STK31: variants seen among roughly 807,000 people sequenced by gnomAD.
The protein encoded by STK31 is serine/threonine-protein kinase 31.
A neutral mutation model predicts 129.7 loss-of-function variants in STK31; 89 were observed. That is an observed-to-expected ratio of 0.69 (90% CI 0.58 to 0.82). The LOEUF (loss-of-function observed/expected upper bound fraction) is 0.82. Ranked by LOEUF, STK31 falls within the 40% of genes least tolerant of loss-of-function variation. The probability of loss-of-function intolerance (pLI) is 0.00; values close to 1 mark genes in which losing one functional copy is unlikely to be tolerated. For missense variants in STK31, 1,187 were observed against 1,176.4 expected (o/e 1.01, Z -0.13); for synonymous variants, 448 against 395.3 (o/e 1.13, Z -1.58).
At chr7:23,783,926 AG>A (rs1293838040) in intron 17 of STK31, among the ~76,000 whole-genome samples, 4 of 152,162 alleles carry the variant, frequency 2.6e-5, no homozygotes, top group Non-Finnish European at 5.9e-5. Flanking sequence ...TTTGAATTAT[AG>A]GTGTTTACTT....
chr7:23,830,594 G>T (rs1458498364), intron 23 of STK31, among the ~76,000 whole-genome samples: 6 of 105,516 alleles, frequency 5.7e-5, no homozygotes, highest in Non-Finnish European at 8.2e-5. Flanking sequence ...TTTCCATGTT[G>T]TGTGTGTGTG....
At position 23,785,134 on chromosome 7, in the gene STK31, G is replaced by A. The variant is rs992331171; in HGVS notation, c.2149-344G>A. Among the ~76,000 whole-genome samples, 8 of 151,990 alleles carry A rather than the reference G, an allele frequency of 5.3e-5. No individual in the cohort carries two copies. In the South Asian group the frequency reaches 6.2e-4, roughly 12 times the overall value. On this transcript the variant is annotated intron_variant, in intron 17 of 23. Coordinates refer to ENST00000355870, the MANE Select transcript of STK31 (RefSeq NM_031414.5). ...ATGTAGTCCCTCATTCCTCACCCCC[G>A]TCCCAATCAGTTGTTACTTTAGTAT...
chr7:23,738,959 T>C (rs967388837), intron 8 of STK31, among the ~76,000 whole-genome samples: 5 of 152,246 alleles, frequency 3.3e-5, no homozygotes, highest in Non-Finnish European at 2.9e-5. Flanking sequence ...GTCTTTATAG[T>C]AGAATGATTT....
At chr7:23,780,264 C>T (rs972648062) in intron 15 of STK31, among the ~76,000 whole-genome samples, 2 of 152,048 alleles carry the variant, frequency 1.3e-5, no homozygotes, top group East Asian at 1.9e-4. Flanking sequence ...GAGCTGCAGA[C>T]CGGAGCTGTT....
At chr7:23,793,483 A>C (rs117286603) in intron 22 of STK31, among the ~76,000 whole-genome samples, 4,906 of 152,282 alleles carry the variant, frequency 0.032, 138 homozygotes, top group Middle Eastern at 0.051. Context: ...ATATTTGCAA[A>C]ACATATATCT....
At chr7:23,738,962 A>G (rs1489154402) in intron 8 of STK31, among the ~76,000 whole-genome samples, 1 of 152,220 alleles carries the variant, frequency 6.6e-6, no homozygotes, top group Non-Finnish European at 1.5e-5. Context: ...TTTATAGTAG[A>G]ATGATTTATA....
In STK31 at chr7:23,729,059, C is replaced by A; in HGVS notation, c.325-32C>A. ...TCTTTGGAAACATTTAATCTGGGGT[C>A]AGTATTCGTATTTGTCTCTTATTTT... On this transcript the variant is annotated intron_variant, in intron 5 of 23. Coordinates refer to ENST00000355870, the MANE Select transcript of STK31 (RefSeq NM_031414.5). The A allele has an allele frequency of 2.6e-6, 4 of 1,528,962 alleles. No individual in the cohort carries two copies. In the South Asian group the frequency reaches 4.0e-5, roughly 15 times the overall value. The allele number at this position is 1,528,962 out of a possible 1,614,324, so 94.7% of individuals were successfully genotyped here.
Position 23,710,343 on chromosome 7 carries a change from G to C in STK31, c.50+8G>C. On this transcript the variant is annotated splice_region_variant and intron_variant, in intron 1 of 23. Transcript: ENST00000355870. Reference sequence around the variant, plus strand: ...CGCAACGGAAAGTGTGAGGTCAGTAGTAGTTTTTGTGGTACGTGCAGTGGT... The same window carrying C: ...CGCAACGGAAAGTGTGAGGTCAGTACTAGTTTTTGTGGTACGTGCAGTGGT... 6.2e-7 allele frequency: 1 copy of C among 1,613,492 alleles called. No individual in the cohort carries two copies. The highest frequency in any genetic ancestry group is 8.5e-7 in the Non-Finnish European group (1 of 1,179,928).
intron 8 of STK31, 27 bp from the exon 9 acceptor site, chr7:23,752,690 C>A (rs201381856): frequency 3.3e-6 from 5 of 1,534,596 alleles, no homozygotes; most frequent in Non-Finnish European, 4.5e-6. Context: ...TTGGGTCTCA[C>A]GAGAATGTGT....
At chr7:23,730,869 T>C (rs1165691630) in intron 6 of STK31, among the ~76,000 whole-genome samples, 1 of 49,016 alleles carries the variant, frequency 2.0e-5, no homozygotes, top group East Asian at 6.3e-4. Flanking sequence ...TATATATATA[T>C]ATATATATAT....
At chr7:23,769,592 C>T in intron 12 of STK31, 48 bp from the exon 13 acceptor site, 1 of 1,270,622 alleles carries the variant, frequency 7.9e-7, no homozygotes, top group Non-Finnish European at 1.1e-6. Context: ...ACGATGAATG[C>T]TGATTGAATT....
rs1005498348 is a variant in STK31, at chr7:23,791,322, A to T, written c.2760+376A>T. On this transcript the variant is annotated intron_variant, in intron 22 of 23. Transcript: ENST00000355870. ...TTTCTCATCCATAGTTTAAGAATTA[A>T]GAAGTTGGATGGAGCTGGAGACCAT... is the stretch of plus-strand genomic sequence containing the variant. 4 of 985,082 alleles carry T rather than the reference A, an allele frequency of 4.1e-6. No homozygotes were observed. The African/African-American group carries it at 7.0e-5, about 17-fold the overall frequency. 61.0% of individuals were successfully genotyped at this position (985,082 alleles called of 1,614,324 possible).
intron 11 of STK31, among the ~76,000 whole-genome samples, chr7:23,766,435 G>A (rs995047681): frequency 2.0e-5 from 3 of 152,072 alleles, no homozygotes; most frequent in African/African-American, 7.2e-5. Flanking sequence ...GCTAATTTTA[G>A]TAGAGATGGG....
At chr7:23,768,870 T>G in intron 11 of STK31, 125 bp from the exon 12 acceptor site, 1 of 791,712 alleles carries the variant, frequency 1.3e-6, no homozygotes, top group East Asian at 2.9e-5. Flanking sequence ...TTCTAAGTTG[T>G]ATTTATGAAA....
At chr7:23,744,968 G>A (rs1484717773) in intron 8 of STK31, among the ~76,000 whole-genome samples, 2 of 152,184 alleles carry the variant, frequency 1.3e-5, no homozygotes, top group Non-Finnish European at 2.9e-5. Flanking sequence ...TGGTGGGCCA[G>A]ACAGGTGAGT....
In STK31 at chr7:23,746,728, A is replaced by T. The variant is rs184555283; in HGVS notation, c.1018-5989A>T. 3.3e-5 allele frequency among the ~76,000 whole-genome samples: 5 copies of T among 152,236 alleles called. No homozygotes were observed. In the East Asian group the frequency reaches 9.6e-4, roughly 29 times the overall value. ...CTTAATCCTCATTGTCTTCATGTTG[A>T]GTAGGCTGAGGAGGAAGAGCATGGG... On this transcript the variant is annotated intron_variant, in intron 8 of 23. Coordinates refer to ENST00000355870, the MANE Select transcript of STK31 (RefSeq NM_031414.5).
At chr7:23,780,416 C>G (rs1455138803) in intron 15 of STK31, among the ~76,000 whole-genome samples, 1 of 152,120 alleles carries the variant, frequency 6.6e-6, no homozygotes, top group Non-Finnish European at 1.5e-5. Flanking sequence ...AGGTCTGTGC[C>G]TTTCTCAGAG....
At chr7:23,765,982 G>A (rs1034107438) in intron 11 of STK31, among the ~76,000 whole-genome samples, 3 of 152,138 alleles carry the variant, frequency 2.0e-5, no homozygotes, top group African/African-American at 7.2e-5. Context: ...TAGATATTGT[G>A]TGTGATAGCT....
At chr7:23,795,127 G>A (rs1247568607) in intron 22 of STK31, among the ~76,000 whole-genome samples, 2 of 152,246 alleles carry the variant, frequency 1.3e-5, no homozygotes, top group Non-Finnish European at 2.9e-5. Context: ...CTTCGCAGCA[G>A]CCCTTCCCAT....
Sources: allele counts gnomAD v4.1 joint callset (sites outside exome capture counted in the v4.1 genomes callset), GRCh38; gene constraint gnomAD v4.1.1; transcripts MANE v1.5; gene names NCBI Gene and HGNC (gene_info 2026-07-23, HGNC 2026-07-21).